The following GABRA5 variants were observed in gnomAD, a reference collection of about 807,000 sequenced individuals.
The protein encoded by GABRA5 is gamma-aminobutyric acid type A receptor subunit alpha5.
A neutral mutation model predicts 47.3 loss-of-function variants in GABRA5; 18 were observed. That is an observed-to-expected ratio of 0.38 (90% CI 0.26 to 0.56). The LOEUF (loss-of-function observed/expected upper bound fraction) is 0.56, where lower values mean the gene tolerates loss of function less well. Among genes scored for constraint, GABRA5 ranks in the 20% least tolerant of loss-of-function variants. GABRA5 has a pLI of 0.71. For synonymous variants in GABRA5, 237 were observed against 229.3 expected (o/e 1.03, Z -0.30); for missense variants, 365 against 599.3 (o/e 0.61, Z 4.08).
At chr15:26,887,862 G>A (rs773133496) in intron 6 of GABRA5, among the ~76,000 whole-genome samples, 1 of 152,108 alleles carries the variant, frequency 6.6e-6, no homozygotes, top group Non-Finnish European at 1.5e-5. Context: ...TCAAATCAGG[G>A]TGATCAGCAT....
intron 6 of GABRA5, 69 bp from the exon 7 acceptor site, chr15:26,914,734 C>A: frequency 1.7e-6 from 2 of 1,194,394 alleles, no homozygotes; most frequent in South Asian, 1.2e-5. Context: ...CTTTCTGGGA[C>A]ACGATGGTGG....
rs1220412731 is a variant in GABRA5, at chr15:26,948,824, G to T, written c.*591G>T. 1.3e-5 allele frequency: 2 copies of T among 152,288 alleles called. No individual in the cohort carries two copies. Among genetic ancestry groups the T allele is most frequent in the South Asian group, 2.1e-4 (1 of 4,830 alleles). The allele number at this position is 152,288 out of a possible 1,614,324, so 9.4% of individuals were successfully genotyped here. ...CTTTTATGCAGGCAGATTAATAACAGAAATACATCATATGTTAGATACACA... is the reference window on the plus strand; with the variant it reads ...CTTTTATGCAGGCAGATTAATAACATAAATACATCATATGTTAGATACACA... On this transcript the variant is annotated 3_prime_UTR_variant, in exon 11 of 11. Coordinates refer to ENST00000335625, the MANE Select transcript of GABRA5 (RefSeq NM_000810.4).
intron 7 of GABRA5, among the ~76,000 whole-genome samples, chr15:26,918,358 G>A (rs1011185989): frequency 6.6e-6 from 1 of 152,090 alleles, no homozygotes; most frequent in Admixed American, 6.6e-5. Context: ...CATGTGGTAG[G>A]AAATTTCTGT....
chr15:26,894,677 A>G (rs1893135228), intron 6 of GABRA5, among the ~76,000 whole-genome samples: 1 of 152,072 alleles, frequency 6.6e-6, no homozygotes, highest in East Asian at 1.9e-4. Context: ...TCCTGGCTCT[A>G]GGAATGATGT....
intron 3 of GABRA5, among the ~76,000 whole-genome samples, chr15:26,875,598 C>A (rs1892576379): frequency 6.6e-6 from 1 of 152,110 alleles, no homozygotes; most frequent in South Asian, 2.1e-4. Context: ...GAAACCTGAA[C>A]TGGCAGGAGG....
At chr15:26,876,476 C>T (rs1005081596) in intron 3 of GABRA5, among the ~76,000 whole-genome samples, 3 of 152,118 alleles carry the variant, frequency 2.0e-5, no homozygotes, top group African/African-American at 7.2e-5. Flanking sequence ...CAGACAGAGC[C>T]GTGCCCTGAG....
intron 6 of GABRA5, among the ~76,000 whole-genome samples, chr15:26,890,118 AT>A (rs1361614400): frequency 6.6e-6 from 1 of 150,976 alleles, no homozygotes; most frequent in Non-Finnish European, 1.5e-5. Flanking sequence ...CGATACATCT[AT>A]TTTTTTTCTC....
intron 4 of GABRA5, 144 bp downstream of exon 4, chr15:26,881,111 C>A (rs987264119): frequency 6.2e-6 from 5 of 812,088 alleles, no homozygotes; most frequent in Non-Finnish European, 9.1e-6. Context: ...TCCACTCTTG[C>A]CAAGAATCAT....
intron 8 of GABRA5, 69 bp downstream of exon 8, chr15:26,937,397 T>A: frequency 6.8e-7 from 1 of 1,480,984 alleles, no homozygotes; most frequent in Non-Finnish European, 9.0e-7. Context: ...AGCTTGCTGC[T>A]CCCAGCACCT....
rs370101380 is a variant in GABRA5 at position 26,936,653 on chromosome 15, C to T, written c.581-532C>T. On this transcript the variant is annotated intron_variant, in intron 7 of 10. Coordinates refer to ENST00000335625, the MANE Select transcript of GABRA5 (RefSeq NM_000810.4). ...GGTCCTGCTTGCCACACCACCTTCACACCCAGGATGGCGTGGACAGCAGGT... is the reference window on the plus strand; with the variant it reads ...GGTCCTGCTTGCCACACCACCTTCATACCCAGGATGGCGTGGACAGCAGGT... Among the ~76,000 whole-genome samples, 18 of 152,212 alleles carry T rather than the reference C, an allele frequency of 1.2e-4. No homozygotes were observed. The East Asian group carries it at 1.7e-3, about 15-fold the overall frequency.
chr15:26,943,431 T>C lies in GABRA5; in HGVS notation c.1089+5T>C. On this transcript the variant is annotated splice_donor_5th_base_variant and intron_variant, in intron 10 of 10. Coordinates refer to ENST00000335625, the MANE Select transcript of GABRA5 (RefSeq NM_000810.4). ...TTGGAAGCAGCCAAGATCAAGGTAC[T>C]GACTATTTCTCCTCCTTTCTTCCAG... 1 of 1,576,206 alleles carries C rather than the reference T, an allele frequency of 6.3e-7. No homozygotes were observed. The highest frequency in any genetic ancestry group is 8.6e-7 in the Non-Finnish European group (1 of 1,159,966).
Position 26,880,979 on chromosome 15 carries a change from C to G in GABRA5, c.208+12C>G, listed in dbSNP as rs530591243. Reference sequence around the variant, plus strand: ...GCCCGGGCTGGGAGGTGAGTGTGCTCTCCTCAGCTGAGCCCAGCAAGGATC... The same window carrying G: ...GCCCGGGCTGGGAGGTGAGTGTGCTGTCCTCAGCTGAGCCCAGCAAGGATC... On this transcript the variant is annotated intron_variant, in intron 4 of 10. Transcript: ENST00000335625. 1.2e-6 allele frequency: 2 copies of G among 1,613,460 alleles called. No homozygotes were observed. The highest frequency in any genetic ancestry group is 2.2e-5 in the South Asian group (2 of 90,978).
chr15:26,905,292 C>A (rs1415131681), intron 6 of GABRA5, among the ~76,000 whole-genome samples: 2 of 130,344 alleles, frequency 1.5e-5, no homozygotes, highest in East Asian at 4.5e-4. Context: ...TTTTTTTTTT[C>A]TTTCAGCACA....
chr15:26,886,998 C>T (rs1321197087), intron 6 of GABRA5, among the ~76,000 whole-genome samples: 1 of 152,176 alleles, frequency 6.6e-6, no homozygotes, highest in Non-Finnish European at 1.5e-5. Flanking sequence ...ATCACCAAAG[C>T]ACGAATCACC....
rs1330528010 is a variant in GABRA5 at position 26,885,342 on chromosome 15, T to TG, written c.497+1791dup. On this transcript the variant is annotated intron_variant, in intron 6 of 10. Transcript: ENST00000335625. ...AATGTGGTGACTCAGGCAAGAGATGTGGGGGGCGTGAGCTCTATCCTGTTT... is the reference window on the plus strand; with the variant it reads ...AATGTGGTGACTCAGGCAAGAGATGTGGGGGGGCGTGAGCTCTATCCTGTTT... Among the ~76,000 whole-genome samples the TG allele has an allele frequency of 1.1e-4, 16 of 146,662 alleles. No homozygotes were observed. The East Asian group carries it at 2.7e-3, about 25-fold the overall frequency.
At chr15:26,911,388 C>CACACACACAAACACACACAA (rs1555391756) in intron 6 of GABRA5, among the ~76,000 whole-genome samples, 1,910 of 146,686 alleles carry the variant, frequency 0.013, 57 homozygotes, top group East Asian at 0.089. Flanking sequence ...CACACACACA[C>CACACACACAAACACACACAA]ACACACACAA....
At chr15:26,926,278 T>G (rs1893960808) in intron 7 of GABRA5, among the ~76,000 whole-genome samples, 1 of 152,144 alleles carries the variant, frequency 6.6e-6, no homozygotes, top group Non-Finnish European at 1.5e-5. Flanking sequence ...TGTTACCTCA[T>G]AGCAGGCATT....
At chr15:26,934,633 C>T (rs568292936) in intron 7 of GABRA5, among the ~76,000 whole-genome samples, 1 of 140,738 alleles carries the variant, frequency 7.1e-6, no homozygotes, top group South Asian at 2.4e-4. Context: ...TCCACTTTGT[C>T]ATCAGTGTAT....
In GABRA5 at chr15:26,913,941, C is replaced by T. The variant is rs1005436241; in HGVS notation, c.498-862C>T. ...CTGAGCAGCTCTGCATTCTAGGCCCCGAATTCCTTAATATCCGCACCTCAC... is the reference window on the plus strand; with the variant it reads ...CTGAGCAGCTCTGCATTCTAGGCCCTGAATTCCTTAATATCCGCACCTCAC... On this transcript the variant is annotated intron_variant, in intron 6 of 10. Coordinates refer to ENST00000335625, the MANE Select transcript of GABRA5 (RefSeq NM_000810.4). Among the ~76,000 whole-genome samples the T allele has an allele frequency of 3.9e-5, 6 of 152,082 alleles. No individual in the cohort carries two copies. In the South Asian group the frequency reaches 1.2e-3, roughly 32 times the overall value.
Sources: allele counts gnomAD v4.1 joint callset (sites outside exome capture counted in the v4.1 genomes callset), GRCh38; gene constraint gnomAD v4.1.1; transcripts MANE v1.5; gene names NCBI Gene and HGNC (gene_info 2026-07-23, HGNC 2026-07-21).